STXBP5L: variants seen among roughly 807,000 people sequenced by gnomAD.
STXBP5L encodes syntaxin-binding protein 5-like.
In STXBP5L, 65 loss-of-function variants were observed where a neutral mutation model predicts 144.5. That is an observed-to-expected ratio of 0.45 (90% CI 0.37 to 0.55). STXBP5L has a LOEUF of 0.55. Among genes scored for constraint, STXBP5L ranks in the 20% least tolerant of loss-of-function variants. The probability of loss-of-function intolerance (pLI) is 0.00; values close to 1 mark genes in which losing one functional copy is unlikely to be tolerated. For synonymous variants in STXBP5L, 505 were observed against 469.6 expected, an observed-to-expected ratio of 1.08 and a Z score of -0.97; for missense variants, 1,298 against 1,405.5, an observed-to-expected ratio of 0.92 and a Z score of 1.22.
chr3:121,095,026 C>G (rs1450610434), intron 5 of STXBP5L, among the ~76,000 whole-genome samples: 1 of 151,682 alleles, frequency 6.6e-6, no homozygotes. Context: ...AAAGCATTGT[C>G]TGTAAAGCCT....
At chr3:121,184,116 G>A (rs1164214288) in intron 9 of STXBP5L, among the ~76,000 whole-genome samples, 1 of 152,004 alleles carries the variant, frequency 6.6e-6, no homozygotes, top group Non-Finnish European at 1.5e-5. Flanking sequence ...AAAAAACAGT[G>A]CAAAAAGGCT....
chr3:121,177,712 G>T (rs577454816), intron 9 of STXBP5L, among the ~76,000 whole-genome samples: 1 of 152,294 alleles, frequency 6.6e-6, no homozygotes, highest in East Asian at 1.9e-4. Flanking sequence ...GTGGAAAACA[G>T]TATGGTGGTT....
intron 19 of STXBP5L, among the ~76,000 whole-genome samples, chr3:121,284,287 T>A (rs2051159273): frequency 6.6e-6 from 1 of 152,058 alleles, no homozygotes; most frequent in Admixed American, 6.6e-5. Flanking sequence ...TTTTGTATCT[T>A]ACTACCATTA....
At chr3:121,306,401 C>A (rs2043338619) in intron 19 of STXBP5L, among the ~76,000 whole-genome samples, 1 of 152,100 alleles carries the variant, frequency 6.6e-6, no homozygotes, top group South Asian at 2.1e-4. Flanking sequence ...ACCTCAGTAC[C>A]ATAAAATATT....
At position 120,957,074 on chromosome 3, in the gene STXBP5L, G is replaced by C. The variant is rs531778786; in HGVS notation, c.287+2037G>C. 3.9e-5 allele frequency among the ~76,000 whole-genome samples: 6 copies of C among 152,046 alleles called. No individual in the cohort carries two copies. The South Asian group carries it at 1.2e-3, about 31-fold the overall frequency. ...TTTTCCCAGAACCATTTGTTGACAAGACTGTCTTATCCATTGAATGGTACT... is the reference window on the plus strand; with the variant it reads ...TTTTCCCAGAACCATTTGTTGACAACACTGTCTTATCCATTGAATGGTACT... On this transcript the variant is annotated intron_variant, in intron 3 of 26. Coordinates refer to ENST00000471454, the MANE Select transcript of STXBP5L (RefSeq NM_001308330.2).
chr3:121,366,472 T>C (rs2045867152), intron 20 of STXBP5L, among the ~76,000 whole-genome samples: 1 of 152,032 alleles, frequency 6.6e-6, no homozygotes, highest in South Asian at 2.1e-4. Context: ...CTTAATATGT[T>C]CAGCTTTTTA....
At chr3:121,116,752 G>A (rs935666901) in intron 6 of STXBP5L, among the ~76,000 whole-genome samples, 2 of 151,918 alleles carry the variant, frequency 1.3e-5, no homozygotes, top group Non-Finnish European at 2.9e-5. Context: ...TTAGGTATTT[G>A]GGAGGGTCCT....
At chr3:121,089,173 G>C (rs2042652273) in intron 5 of STXBP5L, among the ~76,000 whole-genome samples, 1 of 143,428 alleles carries the variant, frequency 7.0e-6, no homozygotes, top group Non-Finnish European at 1.5e-5. Flanking sequence ...TATATACATA[G>C]TACATTTATT....
At chr3:120,947,012 T>C (rs1710896650) in intron 2 of STXBP5L, among the ~76,000 whole-genome samples, 1 of 151,774 alleles carries the variant, frequency 6.6e-6, no homozygotes, top group South Asian at 2.1e-4. Context: ...ATTACATATT[T>C]ATTTGCTTCA....
At chr3:120,944,391 A>G (rs1237393768) in intron 2 of STXBP5L, among the ~76,000 whole-genome samples, 1 of 151,698 alleles carries the variant, frequency 6.6e-6, no homozygotes, top group Non-Finnish European at 1.5e-5. Flanking sequence ...TATGTGCATG[A>G]TAGACTATGT....
At chr3:121,303,510 C>G (rs2052015339) in intron 19 of STXBP5L, among the ~76,000 whole-genome samples, 1 of 152,166 alleles carries the variant, frequency 6.6e-6, no homozygotes, top group Non-Finnish European at 1.5e-5. Context: ...CCATTTGACC[C>G]AGCCATCCCA....
intron 2 of STXBP5L, among the ~76,000 whole-genome samples, chr3:120,947,141 G>A (rs1576463336): frequency 1.3e-5 from 2 of 151,760 alleles, no homozygotes; most frequent in East Asian, 3.9e-4. Context: ...AGAAGAGCTA[G>A]ATATTAAGAA....
chr3:120,951,765 G>T (rs1711246608), intron 2 of STXBP5L, among the ~76,000 whole-genome samples: 1 of 152,058 alleles, frequency 6.6e-6, no homozygotes, highest in Admixed American at 6.6e-5. Context: ...CAGGGATCTA[G>T]AACTAAAAAT....
chr3:121,126,937 ATT>A (rs1233238935), intron 7 of STXBP5L, among the ~76,000 whole-genome samples: 1 of 152,178 alleles, frequency 6.6e-6, no homozygotes, highest in Non-Finnish European at 1.5e-5. Context: ...TTCTTCCGCA[ATT>A]GTGCCTCTTT....
intron 3 of STXBP5L, among the ~76,000 whole-genome samples, chr3:120,977,609 C>A (rs1391927052): frequency 1.3e-5 from 2 of 152,104 alleles, no homozygotes; most frequent in Non-Finnish European, 2.9e-5. Context: ...GGTTATTTTG[C>A]TCCTTAGTTG....
At chr3:121,342,916 C>T (rs1361983374) in intron 20 of STXBP5L, among the ~76,000 whole-genome samples, 1 of 149,894 alleles carries the variant, frequency 6.7e-6, no homozygotes, top group Non-Finnish European at 1.5e-5. Context: ...CCTGAGGAAT[C>T]GCCACACTGA....
intron 3 of STXBP5L, among the ~76,000 whole-genome samples, chr3:121,014,461 T>C (rs980740788): frequency 1.1e-4 from 16 of 152,042 alleles, no homozygotes; most frequent in African/African-American, 3.9e-4. Flanking sequence ...AATGATTTAA[T>C]CTTGTAGTTC....
At chr3:121,093,202 A>T (rs372439626) in intron 5 of STXBP5L, among the ~76,000 whole-genome samples, 14 of 152,182 alleles carry the variant, frequency 9.2e-5, no homozygotes, top group Non-Finnish European at 1.6e-4. Context: ...TTTTGCATCA[A>T]TGTTCATCAA....
At chr3:121,353,982 T>C (rs916806219) in intron 20 of STXBP5L, among the ~76,000 whole-genome samples, 6 of 152,236 alleles carry the variant, frequency 3.9e-5, no homozygotes, top group Non-Finnish European at 5.9e-5. Flanking sequence ...TTCCAAATAG[T>C]TGAGCAGTTT....
Sources: gnomAD v4.1 joint callset for allele counts (sites outside exome capture counted in the v4.1 genomes callset) on GRCh38, gnomAD v4.1.1 for gene constraint, MANE v1.5 for transcripts, NCBI Gene and HGNC (gene_info 2026-07-23, HGNC 2026-07-21) for gene names.